The following KLHL12 variants were observed in gnomAD, a reference collection of about 807,000 sequenced individuals.
KLHL12 encodes kelch like family member 12, also known as kelch-like protein 12.
In KLHL12, 17 loss-of-function variants were observed where a neutral mutation model predicts 60.8. The observed-to-expected ratio is 0.28, with a 90% CI of 0.19 to 0.42. The LOEUF is 0.42. KLHL12 is among the 10% of genes least tolerant of loss of function. KLHL12 has a pLI of 1.00. For missense variants in KLHL12, 468 were observed against 722.3 expected, an observed-to-expected ratio of 0.65 and a Z score of 4.04; for synonymous variants, 220 against 250.9, an observed-to-expected ratio of 0.88 and a Z score of 1.16.
chr1:202,925,638 GCTTT>G (rs1445265185), intron 1 of KLHL12, among the ~76,000 whole-genome samples: 1 of 152,134 alleles, frequency 6.6e-6, no homozygotes, highest in Non-Finnish European at 1.5e-5. Flanking sequence ...TTATATGTAT[GCTTT>G]CTATCCTAGA....
chr1:202,905,968 C>CTTTTTTTTTTTTTTTT (rs71142574), intron 6 of KLHL12, among the ~76,000 whole-genome samples: 3 of 51,672 alleles, frequency 5.8e-5, no homozygotes, highest in African/African-American at 7.4e-5. Context: ...CCACACCTGG[C>CTTTTTTTTTTTTTTTT]TTTTTTTTTT....
At position 202,925,176 on chromosome 1, in the gene KLHL12, G is replaced by A. The variant is rs780477366; in HGVS notation, c.-14C>T. On this transcript the variant is annotated 5_prime_UTR_variant, in exon 2 of 12. Coordinates refer to ENST00000367261, the MANE Select transcript of KLHL12 (RefSeq NM_021633.4). ...AATGCCTCCCATAAAGCAGTGCGGAGAAAGAACAAAATGGGTCCTTGGATT... is the reference window on the plus strand; with the variant it reads ...AATGCCTCCCATAAAGCAGTGCGGAAAAAGAACAAAATGGGTCCTTGGATT... 2.5e-6 allele frequency: 4 copies of A among 1,613,004 alleles called. No individual in the cohort carries two copies. The African/African-American group carries it at 5.3e-5, about 22-fold the overall frequency.
chr1:202,896,726 C>A, intron 7 of KLHL12, 128 bp downstream of exon 7: 1 of 756,130 alleles, frequency 1.3e-6, no homozygotes, highest in South Asian at 1.5e-5. Flanking sequence ...ACTATATGCA[C>A]AAGACTGTTG....
chr1:202,918,077 T>A, intron 4 of KLHL12, 94 bp downstream of exon 4: 1 of 896,850 alleles, frequency 1.1e-6, no homozygotes, highest in Admixed American at 2.2e-5. Context: ...GCACACTTAA[T>A]TATGAAGCCC....
intron 4 of KLHL12, among the ~76,000 whole-genome samples, chr1:202,915,886 A>G (rs1371084800): frequency 6.6e-6 from 1 of 152,252 alleles, no homozygotes; most frequent in African/African-American, 2.4e-5. Context: ...TTTGATCTGC[A>G]GCACATGGAA....
intron 4 of KLHL12, chr1:202,912,645 G>A: frequency 7.6e-7 from 1 of 1,320,184 alleles, no homozygotes; most frequent in South Asian, 1.2e-5. Flanking sequence ...TGGCGGTGGA[G>A]GCCAATACTC....
chr1:202,915,609 T>C (rs1421533805), intron 4 of KLHL12, among the ~76,000 whole-genome samples: 1 of 152,236 alleles, frequency 6.6e-6, no homozygotes, highest in Admixed American at 6.5e-5. Context: ...ACTTCTATGA[T>C]TATTTCCTGA....
chr1:202,912,077 G>C (rs1660379375), intron 4 of KLHL12: 2 of 795,000 alleles, frequency 2.5e-6, no homozygotes, highest in East Asian at 4.8e-5. Flanking sequence ...GAACCAAAGA[G>C]AGCTGTTTCA....
Position 202,894,214 on chromosome 1 carries a change from T to C in KLHL12, c.1363A>G (p.Asn455Asp), listed in dbSNP as rs2102405601. The change falls in exon 10 of 12, where the codon AAT becomes GAT. Residue 455 changes from asparagine to aspartate, a missense_variant. This residue lies in a region of KLHL12 where 339 missense variants were observed against 525.0 expected (regional missense o/e 0.65). Transcript: ENST00000367261. ...KYDPHTGHWT[N>D]VTPMATKRSG... ...CGCTTGGTGGCCATTGGTGTAACAT[T>C]AGTCCAATGTCCTGTATGAGGGTCG... The C allele has an allele frequency of 6.4e-7, 1 of 1,557,084 alleles. No homozygotes were observed. Among genetic ancestry groups the C allele is most frequent in the Non-Finnish European group, 8.7e-7 (1 of 1,149,008 alleles).
Position 202,927,215 on chromosome 1 carries a change from C to T in KLHL12, c.-172G>A, listed in dbSNP as rs943556031. The stretch of plus-strand genomic sequence containing the variant: ...CGCCCAGACCCGGAGGCTCTGGAGG[C>T]TCTGGAGCCGTCCGGGTCTGGCCCC... On this transcript the variant is annotated 5_prime_UTR_variant, in exon 1 of 12. Transcript: ENST00000367261. 3 of 985,274 alleles carry T rather than the reference C, an allele frequency of 3.0e-6. No individual in the cohort carries two copies. Among genetic ancestry groups the T allele is most frequent in the South Asian group, 4.7e-5 (1 of 21,280 alleles). The allele number at this position is 985,274 out of a possible 1,614,324, so 61.0% of individuals were successfully genotyped here.
rs1205575608 is a variant in KLHL12, at chr1:202,912,638, C to T, written c.568-1435G>A. The T allele has an allele frequency of 3.8e-6, 5 of 1,332,330 alleles. No individual in the cohort carries two copies. In the African/African-American group the frequency reaches 4.3e-5, roughly 11 times the overall value. The allele number at this position is 1,332,330 out of a possible 1,614,324, so 82.5% of individuals were successfully genotyped here. The stretch of plus-strand genomic sequence containing the variant: ...AGGCAGAAGCTCTGGGCCCCTATGG[C>T]GGTGGAGGCCAATACTCTGCCAAAC... On this transcript the variant is annotated intron_variant, in intron 4 of 11. Coordinates refer to ENST00000367261, the MANE Select transcript of KLHL12 (RefSeq NM_021633.4).
In KLHL12 at chr1:202,893,336, T is replaced by G; in HGVS notation, c.1483A>C (p.Ile495Leu). ...AHLSSVEAYN[I>L]RTDSWTTVTS... is the part of the protein sequence containing the mutation. Reference sequence around the variant, plus strand: ...ACAGTTGTCCAGGAATCAGTGCGAATGTTGTATGCTTCAACGGAAGAAAGG... The same window carrying G: ...ACAGTTGTCCAGGAATCAGTGCGAAGGTTGTATGCTTCAACGGAAGAAAGG... Residue 495 changes from isoleucine to leucine, a missense_variant, in exon 11 of 12, where the codon ATT becomes CTT. Around this residue, in one of 4 missense-constraint regions of KLHL12, gnomAD observed 68 missense variants for 119.8 expected, o/e 0.57. Transcript: ENST00000367261. The surrounding 1 kb of genome is among the most constrained non-coding windows in gnomAD (Gnocchi z 4.1). 1.2e-6 allele frequency: 2 copies of G among 1,614,020 alleles called. No individual in the cohort carries two copies. Among genetic ancestry groups the G allele is most frequent in the Non-Finnish European group, 1.7e-6 (2 of 1,179,932 alleles).
rs1405615127 is a variant in KLHL12 at position 202,905,967 on chromosome 1, GCTT to G, written c.832+3040_832+3042del. Among the ~76,000 whole-genome samples, 4 of 62,706 alleles carry G rather than the reference GCTT, an allele frequency of 6.4e-5. No individual in the cohort carries two copies. In the East Asian group the frequency reaches 1.6e-3, roughly 26 times the overall value. 41.1% of individuals were successfully genotyped at this position (62,706 alleles called of 152,430 possible). ...CTACAGGTGCCCGCCACCACACCTG[GCTT>G]TTTTTTTTTTTTTTTTTTTTTTGTA... On this transcript the variant is annotated intron_variant, in intron 6 of 11. Transcript: ENST00000367261.
intron 2 of KLHL12, among the ~76,000 whole-genome samples, chr1:202,921,857 C>T (rs190443048): frequency 5.1e-4 from 78 of 152,314 alleles, no homozygotes; most frequent in Non-Finnish European, 9.0e-4. Flanking sequence ...ATTTCTCCAT[C>T]AGCCAGAGAA....
In KLHL12 at chr1:202,895,551, C is replaced by T; in HGVS notation, c.1106G>A (p.Arg369Gln). ...WYSVAPMNVRRGLAGATTLGD... is the reference protein window; with the variant it reads ...WYSVAPMNVRQGLAGATTLGD... ...CAGGGTGGTGGCTCCAGCAAGACCT[C>T]GTCGGACATTCATAGGGGCCACAGA... The change falls in exon 8 of 12, where the codon CGA (arginine) becomes CAA (glutamine). Residue 369 changes from arginine (R) to glutamine (Q), a missense_variant. This residue lies in a region of KLHL12 where 339 missense variants were observed against 525.0 expected (regional missense o/e 0.65). Transcript: ENST00000367261. The surrounding 1 kb of genome is among the most constrained non-coding windows in gnomAD (Gnocchi z 4.2). 3.7e-6 allele frequency: 6 copies of T among 1,613,982 alleles called. No individual in the cohort carries two copies. The highest frequency in any genetic ancestry group is 4.2e-6 in the Non-Finnish European group (5 of 1,179,934).
At position 202,895,666 on chromosome 1, in the gene KLHL12, T is replaced by A. The variant is rs1659811604; in HGVS notation, c.991A>T (p.Ile331Phe). Residue 331 changes from isoleucine to phenylalanine, a missense_variant, in exon 8 of 12, where the codon ATC becomes TTC. Ile to Phe is a conservative substitution (Grantham distance 21). This residue lies in a region of KLHL12 where 339 missense variants were observed against 525.0 expected (regional missense o/e 0.65). Transcript: ENST00000367261. The surrounding 1 kb of genome is among the most constrained non-coding windows in gnomAD (Gnocchi z 4.2). ...CCATCATAGCCACCAATGACGTAGA[T>A]CCGGTCATGAAGGGACACTGAGGCC... ...YVASVSLHDR[I>F]YVIGGYDGRS... 7 of 1,613,974 alleles carry A rather than the reference T, an allele frequency of 4.3e-6. No homozygotes were observed. The highest frequency in any genetic ancestry group is 5.9e-6 in the Non-Finnish European group (7 of 1,180,018).
Position 202,892,508 on chromosome 1 carries a change from G to A in KLHL12, c.*25C>T. 6.2e-7 allele frequency: 1 copy of A among 1,611,516 alleles called. No homozygotes were observed. The highest frequency in any genetic ancestry group is 8.5e-7 in the Non-Finnish European group (1 of 1,178,850). On this transcript the variant is annotated 3_prime_UTR_variant, in exon 12 of 12. Transcript: ENST00000367261. ...TAACTGTCCACTGGACTGGTCACTA[G>A]CTCTGGATGGTGCTCCAACAATGGT...
chr1:202,905,804 A>G (rs1660163840), intron 6 of KLHL12, among the ~76,000 whole-genome samples: 1 of 151,694 alleles, frequency 6.6e-6, no homozygotes, highest in African/African-American at 2.4e-5. Context: ...GATTAGGGAT[A>G]CCCAACCCGA....
chr1:202,899,930 G>A (rs1227495656), intron 6 of KLHL12, among the ~76,000 whole-genome samples: 1 of 152,024 alleles, frequency 6.6e-6, no homozygotes, highest in Non-Finnish European at 1.5e-5. Flanking sequence ...ATTACTTCAA[G>A]TTGGGAGAAG....
Sources: allele counts gnomAD v4.1 joint callset (sites outside exome capture counted in the v4.1 genomes callset), GRCh38; gene constraint gnomAD v4.1.1; regional missense constraint gnomAD v4.1.1; non-coding constraint Gnocchi (gnomAD v3.1); transcripts MANE v1.5; gene names NCBI Gene and HGNC (gene_info 2026-07-23, HGNC 2026-07-21).